The following MAN1C1 variants were observed in gnomAD, a reference collection of about 807,000 sequenced individuals.
MAN1C1 encodes the protein mannosyl-oligosaccharide 1,2-alpha-mannosidase IC.
Under a neutral mutation model 71.5 loss-of-function variants are expected in MAN1C1, and 49 were observed. That is an observed-to-expected ratio of 0.69 (90% confidence interval 0.54 to 0.87). The LOEUF is 0.87. MAN1C1 is among the 40% of genes least tolerant of loss of function. MAN1C1 has a pLI of 0.00. For synonymous variants in MAN1C1, 352 were observed against 343.7 expected (o/e 1.02, Z -0.27); for missense variants, 743 against 835.0 (o/e 0.89, Z 1.36).
intron 2 of MAN1C1, chr1:25,709,606 T>G (rs1325787042): frequency 6.6e-6 from 1 of 152,230 alleles, no homozygotes; most frequent in Non-Finnish European, 1.5e-5. Context: ...GTAAATGTCC[T>G]TTAAGTTGCA....
intron 2 of MAN1C1, among the ~76,000 whole-genome samples, chr1:25,694,896 T>A (rs946074804): frequency 1.3e-5 from 2 of 152,238 alleles, no homozygotes; most frequent in African/African-American, 2.4e-5. Flanking sequence ...TGAGTGAAAT[T>A]GGGCAAGTCA....
intron 2 of MAN1C1, among the ~76,000 whole-genome samples, chr1:25,703,538 A>C (rs2046475591): frequency 6.6e-6 from 1 of 152,154 alleles, no homozygotes; most frequent in Admixed American, 6.5e-5. Flanking sequence ...AAAATTAGCC[A>C]GGTGTGGTGG....
intron 2 of MAN1C1, among the ~76,000 whole-genome samples, chr1:25,687,544 T>A (rs1284345376): frequency 1.3e-5 from 2 of 152,142 alleles, no homozygotes; most frequent in Non-Finnish European, 2.9e-5. Flanking sequence ...AATAACTGAG[T>A]CTGAGATGGA....
chr1:25,728,262 C>T (rs1249673622), intron 2 of MAN1C1, among the ~76,000 whole-genome samples: 3 of 152,156 alleles, frequency 2.0e-5, no homozygotes, highest in Non-Finnish European at 4.4e-5. Flanking sequence ...AGGGACTGGC[C>T]GGAGTCCCCT....
intron 7 of MAN1C1, among the ~76,000 whole-genome samples, chr1:25,766,718 CCCCTGAGAGCTG>C (rs2047431930): frequency 1.3e-5 from 2 of 152,128 alleles, no homozygotes; most frequent in Admixed American, 1.3e-4. Flanking sequence ...TGAGGCCAAC[CCCCTGAGAGCTG>C]CCGAGGAGGG....
intron 1 of MAN1C1, among the ~76,000 whole-genome samples, chr1:25,644,316 G>C (rs1359195563): frequency 6.6e-6 from 1 of 151,642 alleles, no homozygotes; most frequent in Non-Finnish European, 1.5e-5. Context: ...AAAGGTCAAG[G>C]CTTCTACCTG....
intron 8 of MAN1C1, 49 bp downstream of exon 8, chr1:25,771,821 GCT>G (rs2047556234): frequency 6.8e-7 from 1 of 1,479,788 alleles, no homozygotes. Flanking sequence ...CCAGCCCCCG[GCT>G]CTCTCACGGC....
intron 2 of MAN1C1, among the ~76,000 whole-genome samples, chr1:25,733,471 G>T (rs1393805999): frequency 6.6e-6 from 1 of 152,002 alleles, no homozygotes; most frequent in African/African-American, 2.4e-5. Flanking sequence ...CCGTGCCCTT[G>T]GCCCCTTTCT....
In MAN1C1 at chr1:25,753,796, G is replaced by A. The variant is rs1038928583; in HGVS notation, c.929+218G>A. On this transcript the variant is annotated intron_variant, in intron 5 of 11. Transcript: ENST00000374332. This position sits in a 1 kb window ranked among gnomAD's most constrained non-coding sequence, Gnocchi z 4.9. ...CCTACCTTGGGAGCCACAGTGAGTC[G>A]GTGGCACGGTGAAAGTGCCAGCGAC... 1.3e-5 allele frequency among the ~76,000 whole-genome samples: 2 copies of A among 152,154 alleles called. No homozygotes were observed. The highest frequency in any genetic ancestry group is 1.9e-4 in the East Asian group (1 of 5,190).
chr1:25,727,208 T>TC (rs2046843737), intron 2 of MAN1C1, among the ~76,000 whole-genome samples: 1 of 152,232 alleles, frequency 6.6e-6, no homozygotes, highest in Admixed American at 6.5e-5. Context: ...TTTAAATTCC[T>TC]CCTCTGTGAA....
chr1:25,712,874 A>T (rs1572168206), intron 2 of MAN1C1, among the ~76,000 whole-genome samples: 1 of 151,538 alleles, frequency 6.6e-6, no homozygotes, highest in African/African-American at 2.4e-5. Context: ...AAGTGCCAAG[A>T]CCCCAGCTGG....
At chr1:25,750,395 G>C (rs1475914474) in intron 4 of MAN1C1, among the ~76,000 whole-genome samples, 2 of 151,878 alleles carry the variant, frequency 1.3e-5, no homozygotes, top group East Asian at 2.0e-4. Context: ...ACTCAGAGAG[G>C]CTGCTGTGAG....
intron 1 of MAN1C1, chr1:25,644,512 A>ATTTTTTTTTT (rs1412655325): frequency 1.1e-5 from 1 of 91,052 alleles, no homozygotes; most frequent in African/African-American, 8.4e-5. Flanking sequence ...ATATATATAT[A>ATTTTTTTTTT]TATATATTTT....
At position 25,776,865 on chromosome 1, in the gene MAN1C1, A is replaced by C. The variant is rs182883389; in HGVS notation, c.1258-1240A>C. Among the ~76,000 whole-genome samples, 3 of 152,260 alleles carry C rather than the reference A, an allele frequency of 2.0e-5. No individual in the cohort carries two copies. The highest frequency in any genetic ancestry group is 2.0e-4 in the Admixed American group (3 of 15,292). On this transcript the variant is annotated intron_variant, in intron 8 of 11. Coordinates refer to ENST00000374332, the MANE Select transcript of MAN1C1 (RefSeq NM_020379.4). The surrounding 1 kb of genome is among the most constrained non-coding windows in gnomAD (Gnocchi z 4.3). ...TCGCTCTGTGCTGGGAAATAGGCCA[A>C]GTCCTGCAGGCATATCTCATTTAAT...
chr1:25,671,191 T>C (rs767422142), intron 1 of MAN1C1, among the ~76,000 whole-genome samples: 8 of 152,208 alleles, frequency 5.3e-5, no homozygotes, highest in Non-Finnish European at 8.8e-5. Flanking sequence ...TGCTGCTGTT[T>C]GTTCCATGTC....
intron 1 of MAN1C1, among the ~76,000 whole-genome samples, chr1:25,652,737 C>T (rs1331859306): frequency 2.0e-5 from 3 of 152,204 alleles, no homozygotes; most frequent in Admixed American, 6.5e-5. Flanking sequence ...CAATGGGTGA[C>T]AGTGGGATCA....
At chr1:25,708,282 TG>T (rs1466077874) in intron 2 of MAN1C1, among the ~76,000 whole-genome samples, 11 of 152,304 alleles carry the variant, frequency 7.2e-5, no homozygotes, top group African/African-American at 2.6e-4. Context: ...AGACCATATA[TG>T]GTAACTTCCT....
intron 1 of MAN1C1, among the ~76,000 whole-genome samples, chr1:25,661,250 A>G (rs1335612650): frequency 1.3e-5 from 2 of 152,164 alleles, no homozygotes; most frequent in Non-Finnish European, 2.9e-5. Flanking sequence ...GCTCCTGGCT[A>G]TTTCCTTTTA....
At position 25,735,244 on chromosome 1, in the gene MAN1C1, C is replaced by T. The variant is rs1032324450; in HGVS notation, c.638-11424C>T. 2.6e-5 allele frequency among the ~76,000 whole-genome samples: 4 copies of T among 152,110 alleles called. No individual in the cohort carries two copies. Among genetic ancestry groups the T allele is most frequent in the African/African-American group, 9.7e-5 (4 of 41,426 alleles). The stretch of plus-strand genomic sequence containing the variant: ...ACAAGCCTGGCCAACATGGCGAATC[C>T]CCACCTCTGCCAAAAACACAAAAAT... On this transcript the variant is annotated intron_variant, in intron 2 of 11. Coordinates refer to ENST00000374332, the MANE Select transcript of MAN1C1 (RefSeq NM_020379.4). This position sits in a 1 kb window ranked among gnomAD's most constrained non-coding sequence, Gnocchi z 4.6.
Sources: allele counts gnomAD v4.1 joint callset (sites outside exome capture counted in the v4.1 genomes callset), GRCh38; gene constraint gnomAD v4.1.1; non-coding constraint Gnocchi (gnomAD v3.1); transcripts MANE v1.5; gene names NCBI Gene and HGNC (gene_info 2026-07-23, HGNC 2026-07-21).